Variants in WDR41 observed in about 807,000 individuals in gnomAD.
WDR41 encodes WD repeat domain 41, also known as WD repeat-containing protein 41.
WDR41 carries 63 observed loss-of-function variants against 69.3 expected under a neutral mutation model. The ratio of observed to expected loss-of-function variants is 0.91; its 90% CI spans 0.74 to 1.12. WDR41 has a LOEUF of 1.12. WDR41 is among the 50% of genes most tolerant of loss of function. WDR41 has a pLI of 0.00. For synonymous variants in WDR41, 185 were observed against 192.1 expected, an observed-to-expected ratio of 0.96 and a Z score of 0.31; for missense variants, 543 against 534.5, an observed-to-expected ratio of 1.02 and a Z score of -0.16.
At chr5:77,575,936 C>A (rs1326418000) in intron 1 of WDR41, among the ~76,000 whole-genome samples, 1 of 152,162 alleles carries the variant, frequency 6.6e-6, no homozygotes, top group African/African-American at 2.4e-5. Context: ...CATAAAGTGA[C>A]AAAGCTAATG....
intron 2 of WDR41, among the ~76,000 whole-genome samples, chr5:77,471,072 A>C (rs957632650): frequency 3.9e-5 from 6 of 152,030 alleles, no homozygotes; most frequent in South Asian, 2.1e-4. Context: ...TTATAACAAA[A>C]TGTCTCTCAG....
At chr5:77,442,759 G>C (rs2151293891) in intron 8 of WDR41, among the ~76,000 whole-genome samples, 1 of 151,488 alleles carries the variant, frequency 6.6e-6, no homozygotes. Flanking sequence ...GGGCGTGGTG[G>C]TGGGCGCCTG....
chr5:77,620,290 C>A (rs551274255), intron 1 of WDR41, among the ~76,000 whole-genome samples: 2 of 152,238 alleles, frequency 1.3e-5, no homozygotes, highest in South Asian at 4.1e-4. Flanking sequence ...AATATTCTTT[C>A]TATACTAAAA....
rs183963137 is a variant in WDR41, at chr5:77,475,277, C to A, written c.168-10468G>T. On this transcript the variant is annotated intron_variant, in intron 2 of 12. Coordinates refer to ENST00000296679, the MANE Select transcript of WDR41 (RefSeq NM_018268.4). ...CATTGCCCAGACTTGCTTAGGTAAA[C>A]ACAGCAGCCAGAAAGCTCCAACTGG... is the stretch of plus-strand genomic sequence containing the variant. Among the ~76,000 whole-genome samples the A allele has an allele frequency of 2.0e-3, 305 of 152,334 alleles. 1 individual carries two copies. Among genetic ancestry groups the A allele is most frequent in the African/African-American group, 6.9e-3 (286 of 41,570 alleles).
At chr5:77,435,539 A>G (rs1437358343) in intron 12 of WDR41, among the ~76,000 whole-genome samples, 1 of 152,164 alleles carries the variant, frequency 6.6e-6, no homozygotes, top group Non-Finnish European at 1.5e-5. Context: ...TGCTCCTCCT[A>G]AGCATGAATG....
intron 1 of WDR41, among the ~76,000 whole-genome samples, chr5:77,608,845 G>A (rs1401165983): frequency 2.0e-5 from 3 of 152,220 alleles, no homozygotes; most frequent in Non-Finnish European, 4.4e-5. Context: ...CCGAAGCAGG[G>A]CGAGGCATTG....
chr5:77,502,831 C>T (rs1011720075), intron 1 of WDR41, among the ~76,000 whole-genome samples: 2 of 152,112 alleles, frequency 1.3e-5, no homozygotes, highest in Non-Finnish European at 2.9e-5. Flanking sequence ...GATTTTGTCA[C>T]CACCAGGCCT....
At position 77,441,006 on chromosome 5, in the gene WDR41, A is replaced by T; in HGVS notation, c.698-9T>A. On this transcript the variant is annotated splice_polypyrimidine_tract_variant and intron_variant, in intron 8 of 12. Coordinates refer to ENST00000296679, the MANE Select transcript of WDR41 (RefSeq NM_018268.4). ...GGTGACAAAACTCAAATCTAGGCAA[A>T]GTTCACATATGCCTCATTATCGATC... 1.2e-6 allele frequency: 2 copies of T among 1,613,048 alleles called. No homozygotes were observed. The highest frequency in any genetic ancestry group is 1.7e-6 in the Non-Finnish European group (2 of 1,179,442).
chr5:77,453,675 G>C lies in WDR41; in HGVS notation c.523+142C>G, dbSNP rs555292061. 7.8e-6 allele frequency: 5 copies of C among 641,480 alleles called. No homozygotes were observed. In the East Asian group the frequency reaches 1.4e-4, roughly 18 times the overall value. 39.7% of individuals were successfully genotyped at this position (641,480 alleles called of 1,614,324 possible). On this transcript the variant is annotated intron_variant, in intron 6 of 12. Coordinates refer to ENST00000296679, the MANE Select transcript of WDR41 (RefSeq NM_018268.4). Reference sequence around the variant, plus strand: ...ATTTTACACAACCCCGATCTGAATTGAATATGGCTACCTGTTATCTTCAGA... The same window carrying C: ...ATTTTACACAACCCCGATCTGAATTCAATATGGCTACCTGTTATCTTCAGA...
At chr5:77,523,042 T>C (rs1054090673) in intron 1 of WDR41, among the ~76,000 whole-genome samples, 7 of 152,096 alleles carry the variant, frequency 4.6e-5, no homozygotes, top group Non-Finnish European at 1.0e-4. Flanking sequence ...GGCCAGACGC[T>C]GTGGCTCACA....
chr5:77,512,331 T>TGAGTGAGAGAGAGAGAGAGAGAGA lies in WDR41; in HGVS notation c.43-22760_43-22759insTCTCTCTCTCTCTCTCTCTCACTC, dbSNP rs1554034068. Among the ~76,000 whole-genome samples, 9 of 87,932 alleles carry TGAGTGAGAGAGAGAGAGAGAGAGA rather than the reference T, an allele frequency of 1.0e-4. 1 individual carries two copies. The highest frequency in any genetic ancestry group is 4.2e-4 in the African/African-American group (8 of 19,256). The allele number at this position is 87,932 out of a possible 152,430, so 57.7% of individuals were successfully genotyped here. On this transcript the variant is annotated intron_variant, in intron 1 of 5. Coordinates refer to the WDR41 transcript ENST00000509971. ...ATGGTCTGTAATTACATGGGGTGAG[T>TGAGTGAGAGAGAGAGAGAGAGAGA]GAGAGAGAGAGAGAGAGAGAGTGAG...
intron 2 of WDR41, among the ~76,000 whole-genome samples, chr5:77,481,208 C>A (rs1801240025): frequency 6.6e-6 from 1 of 152,124 alleles, no homozygotes; most frequent in Non-Finnish European, 1.5e-5. Flanking sequence ...TGGAGTTTCA[C>A]CATGTTGGGC....
At chr5:77,526,022 ATG>A (rs1035032685) in intron 1 of WDR41, among the ~76,000 whole-genome samples, 1 of 152,204 alleles carries the variant, frequency 6.6e-6, no homozygotes, top group African/African-American at 2.4e-5. Flanking sequence ...AAATATTTAA[ATG>A]TGTTAACATT....
At chr5:77,604,665 C>G (rs1744384042) in intron 1 of WDR41, among the ~76,000 whole-genome samples, 1 of 152,098 alleles carries the variant, frequency 6.6e-6, no homozygotes, top group South Asian at 2.1e-4. Context: ...TGAATATATT[C>G]AGGCACATGA....
At chr5:77,453,561 C>T (rs4703734) in intron 6 of WDR41, among the ~76,000 whole-genome samples, 5,370 of 152,242 alleles carry the variant, frequency 0.035, 219 homozygotes, top group Admixed American at 0.11. Flanking sequence ...AGCGTGCTCA[C>T]CAAACACAGT....
chr5:77,535,524 G>A (rs1048094540), intron 1 of WDR41, among the ~76,000 whole-genome samples: 1 of 151,916 alleles, frequency 6.6e-6, no homozygotes, highest in Admixed American at 6.6e-5. Context: ...TAGCACACAG[G>A]GCTAATACTA....
In WDR41 at chr5:77,598,653, TTTG is replaced by T. The variant is rs1344222214; in HGVS notation, c.42+21823_42+21825del. Among the ~76,000 whole-genome samples, 303 of 136,212 alleles carry T rather than the reference TTTG, an allele frequency of 2.2e-3. 14 individuals are homozygous for T. The East Asian group carries it at 0.059, about 26-fold the overall frequency. The allele number at this position is 136,212 out of a possible 152,430, so 89.4% of individuals were successfully genotyped here. A position where few individuals can be genotyped will look rare whatever the true frequency, so the allele number is the denominator to read the frequency against. ...TGAATCAGTAAGTTTCCTTTTTTTT[TTTG>T]TTTTTTTTGTAGCTTAGCTTGAGTT... On this transcript the variant is annotated intron_variant, in intron 1 of 5. Coordinates refer to the WDR41 transcript ENST00000509971.
intron 1 of WDR41, among the ~76,000 whole-genome samples, chr5:77,604,595 T>G (rs1744380500): frequency 6.6e-6 from 1 of 152,220 alleles, no homozygotes; most frequent in African/African-American, 2.4e-5. Flanking sequence ...TGACATTATC[T>G]ATAAAATTAA....
chr5:77,470,965 G>T (rs1404961739), intron 2 of WDR41, among the ~76,000 whole-genome samples: 1 of 152,152 alleles, frequency 6.6e-6, no homozygotes, highest in Non-Finnish European at 1.5e-5. Flanking sequence ...CAAATCAACA[G>T]AATATACATT....
Sources: allele counts gnomAD v4.1 joint callset (sites outside exome capture counted in the v4.1 genomes callset), GRCh38; gene constraint gnomAD v4.1.1; transcripts MANE v1.5; gene names NCBI Gene and HGNC (gene_info 2026-07-23, HGNC 2026-07-21).